ADAMTS20: variants seen among roughly 807,000 people sequenced by gnomAD.
ADAMTS20 encodes ADAM metallopeptidase with thrombospondin type 1 motif 20.
Under a neutral mutation model 260.1 loss-of-function variants are expected in ADAMTS20, and 225 were observed. The ratio of observed to expected loss-of-function variants is 0.87; its 90% CI spans 0.78 to 0.97. The LOEUF (loss-of-function observed/expected upper bound fraction) is 0.97. Among genes scored for constraint, ADAMTS20 ranks in the 50% least tolerant of loss-of-function variants. ADAMTS20 has a pLI of 0.00. For missense variants in ADAMTS20, 2,400 were observed against 2,337.7 expected, an observed-to-expected ratio of 1.03 and a Z score of -0.55; for synonymous variants, 802 against 769.5, an observed-to-expected ratio of 1.04 and a Z score of -0.70.
At chr12:43,468,233 T>C (rs113023361) in intron 8 of ADAMTS20, among the ~76,000 whole-genome samples, 4 of 152,224 alleles carry the variant, frequency 2.6e-5, no homozygotes, top group Non-Finnish European at 5.9e-5. Context: ...TTACAAATAT[T>C]TGGGGGAGTC....
intron 7 of ADAMTS20, 58 bp downstream of exon 7, chr12:43,490,336 AT>A (rs1942581823): frequency 1.0e-5 from 9 of 877,304 alleles, no homozygotes; most frequent in Non-Finnish European, 1.3e-5. Context: ...CCTAAACATT[AT>A]TGTAAATAAT....
At chr12:43,519,061 T>A (rs979430467) in intron 3 of ADAMTS20, among the ~76,000 whole-genome samples, 2 of 152,080 alleles carry the variant, frequency 1.3e-5, no homozygotes, top group Non-Finnish European at 2.9e-5. Flanking sequence ...CCACATAATC[T>A]GAGTGATCTC....
In ADAMTS20 at chr12:43,425,697, A is replaced by G; in HGVS notation, c.4108-7T>C. Reference sequence around the variant, plus strand: ...CTCCACATGTTTGTGAACACTAAAAACAAGAATAGGAAAATTCAAAACTGT... The same window carrying G: ...CTCCACATGTTTGTGAACACTAAAAGCAAGAATAGGAAAATTCAAAACTGT... On this transcript the variant is annotated splice_region_variant and splice_polypyrimidine_tract_variant and intron_variant, in intron 27 of 38. Transcript: ENST00000389420. 1.9e-6 allele frequency: 3 copies of G among 1,568,664 alleles called. No homozygotes were observed. The highest frequency in any genetic ancestry group is 2.6e-6 in the Non-Finnish European group (3 of 1,151,362).
At chr12:43,402,129 C>T (rs1304868536) in intron 28 of ADAMTS20, among the ~76,000 whole-genome samples, 1 of 151,980 alleles carries the variant, frequency 6.6e-6, no homozygotes, top group Admixed American at 6.6e-5. Flanking sequence ...TTGTCACATG[C>T]TTCATCTACC....
In ADAMTS20 at chr12:43,462,491, G is replaced by A. The variant is rs891236507; in HGVS notation, c.1614+404C>T. ...TTAGAAACAATAAAGGTCTAAAGAA[G>A]CCACTTAAAACTTTCAATTGTATTA... On this transcript the variant is annotated intron_variant, in intron 11 of 38. Transcript: ENST00000389420. 5.9e-5 allele frequency among the ~76,000 whole-genome samples: 9 copies of A among 152,260 alleles called. No homozygotes were observed. The East Asian group carries it at 1.7e-3, about 29-fold the overall frequency.
chr12:43,491,137 A>G (rs1942593707), intron 6 of ADAMTS20, among the ~76,000 whole-genome samples: 1 of 152,154 alleles, frequency 6.6e-6, no homozygotes, highest in Non-Finnish European at 1.5e-5. Flanking sequence ...ATAAGATTAT[A>G]ATACCATATT....
intron 28 of ADAMTS20, 106 bp downstream of exon 28, chr12:43,425,408 C>A: frequency 2.9e-6 from 3 of 1,028,298 alleles, no homozygotes; most frequent in Middle Eastern, 4.4e-4. Context: ...CACATGTACC[C>A]CTGAATGTAA....
chr12:43,449,458 G>A (rs777228609), intron 14 of ADAMTS20, among the ~76,000 whole-genome samples: 4 of 152,008 alleles, frequency 2.6e-5, no homozygotes, highest in Non-Finnish European at 5.9e-5. Flanking sequence ...CACAAAGAGG[G>A]GAACAACACA....
intron 29 of ADAMTS20, among the ~76,000 whole-genome samples, chr12:43,389,327 G>A (rs1439979727): frequency 6.6e-6 from 1 of 152,184 alleles, no homozygotes; most frequent in Non-Finnish European, 1.5e-5. Context: ...GTACAGGCAA[G>A]CCATAGGGTA....
intron 11 of ADAMTS20, among the ~76,000 whole-genome samples, chr12:43,454,413 A>G (rs1188790798): frequency 6.6e-6 from 1 of 152,050 alleles, no homozygotes; most frequent in East Asian, 1.9e-4. Context: ...GTATCTATAC[A>G]CTCTTCCACT....
At chr12:43,519,001 G>A (rs1816388363) in intron 3 of ADAMTS20, among the ~76,000 whole-genome samples, 1 of 151,926 alleles carries the variant, frequency 6.6e-6, no homozygotes, top group Non-Finnish European at 1.5e-5. Context: ...GTATACTGCA[G>A]TACCTCCTAA....
intron 3 of ADAMTS20, among the ~76,000 whole-genome samples, chr12:43,509,923 A>C (rs981833754): frequency 1.3e-5 from 2 of 152,166 alleles, no homozygotes; most frequent in Non-Finnish European, 2.9e-5. Context: ...AATAAAATGA[A>C]ATAAACAGTA....
chr12:43,541,936 C>A (rs1287822234), intron 2 of ADAMTS20, among the ~76,000 whole-genome samples: 2 of 152,182 alleles, frequency 1.3e-5, no homozygotes, highest in Non-Finnish European at 2.9e-5. Context: ...TGCTCTCCTG[C>A]CAAGTCCTGG....
chr12:43,434,511 G>A lies in ADAMTS20; in HGVS notation c.2594-140C>T, dbSNP rs1285787442. On this transcript the variant is annotated intron_variant, in intron 18 of 38. Transcript: ENST00000389420. Reference sequence around the variant, plus strand: ...CCAATGCAACATACAGGATATACTAGTATATTAATCTAATGAGGAATGACT... The same window carrying A: ...CCAATGCAACATACAGGATATACTAATATATTAATCTAATGAGGAATGACT... 5 of 693,250 alleles carry A rather than the reference G, an allele frequency of 7.2e-6. No individual in the cohort carries two copies. In the Admixed American group the frequency reaches 1.1e-4, roughly 15 times the overall value. The allele number at this position is 693,250 out of a possible 1,614,324, so 42.9% of individuals were successfully genotyped here.
In ADAMTS20 at chr12:43,443,813, T is replaced by G. The variant is rs1207660383; in HGVS notation, c.2268A>C (p.Gly756=). 1 of 1,612,592 alleles carries G rather than the reference T, an allele frequency of 6.2e-7. No homozygotes were observed. The highest frequency in any genetic ancestry group is 1.1e-5 in the South Asian group (1 of 90,930). Residue 756 remains glycine, a synonymous_variant, in exon 16 of 39, where the codon GGA becomes GGC. Transcript: ENST00000389420. ...TACCAAGGTAACTGTCATCTGGTTGTCCAGAATAGCTGTACTGACGAATGT... is the reference window on the plus strand; with the variant it reads ...TACCAAGGTAACTGTCATCTGGTTGGCCAGAATAGCTGTACTGACGAATGT... ...NVDIRQYSYS[G]QPDDSYLALS...
chr12:43,380,313 G>GA (rs1436293833), intron 31 of ADAMTS20, among the ~76,000 whole-genome samples: 1 of 152,090 alleles, frequency 6.6e-6, no homozygotes, highest in Non-Finnish European at 1.5e-5. Flanking sequence ...GGAATCTACA[G>GA]AAAATCCATA....
intron 19 of ADAMTS20, among the ~76,000 whole-genome samples, chr12:43,433,328 G>C (rs1941485826): frequency 6.6e-6 from 1 of 152,014 alleles, no homozygotes; most frequent in South Asian, 2.1e-4. Flanking sequence ...AAGTAAAAAT[G>C]TTAGTTATAG....
intron 36 of ADAMTS20, among the ~76,000 whole-genome samples, chr12:43,373,922 G>T (rs920946083): frequency 9.2e-5 from 14 of 151,558 alleles, no homozygotes; most frequent in Non-Finnish European, 1.5e-4. Context: ...CTCGTGATCC[G>T]CCCGCCTCGG....
Position 43,551,747 on chromosome 12 carries a change from A to C in ADAMTS20, c.91+84T>G. On this transcript the variant is annotated intron_variant, in intron 1 of 38. Transcript: ENST00000389420. The surrounding 1 kb of genome is among the most constrained non-coding windows in gnomAD (Gnocchi z 4.6). ...AGGGCCAGCGTTCCCCAACGGGCTGAGCCGCTCGTCCCCGCGACCTGCATG... is the reference window on the plus strand; with the variant it reads ...AGGGCCAGCGTTCCCCAACGGGCTGCGCCGCTCGTCCCCGCGACCTGCATG... 1 of 1,404,130 alleles carries C rather than the reference A, an allele frequency of 7.1e-7. No individual in the cohort carries two copies. The allele number at this position is 1,404,130 out of a possible 1,614,324, so 87.0% of individuals were successfully genotyped here.
Sources: allele counts gnomAD v4.1 joint callset (sites outside exome capture counted in the v4.1 genomes callset), GRCh38; gene constraint gnomAD v4.1.1; non-coding constraint Gnocchi (gnomAD v3.1); transcripts MANE v1.5; gene names NCBI Gene and HGNC (gene_info 2026-07-23, HGNC 2026-07-21).